TSPAN14: variants seen among roughly 807,000 people sequenced by gnomAD.
TSPAN14 encodes the protein tetraspanin-14.
In TSPAN14, 16 loss-of-function variants were observed where a neutral mutation model predicts 36.6. That is an observed-to-expected ratio of 0.44 (90% CI 0.30 to 0.66). The LOEUF is 0.66. Ranked by LOEUF, TSPAN14 falls within the 30% of genes least tolerant of loss-of-function variation. The pLI is 0.12. For synonymous variants in TSPAN14, 139 were observed against 143.8 expected (o/e 0.97, Z 0.24); for missense variants, 231 against 355.1 (o/e 0.65, Z 2.81).
intron 1 of TSPAN14, among the ~76,000 whole-genome samples, chr10:80,471,124 G>C (rs538503370): frequency 6.6e-6 from 1 of 151,854 alleles, no homozygotes; most frequent in Non-Finnish European, 1.5e-5. Flanking sequence ...CTTAGTGAAG[G>C]GAGTCATGTT....
Position 80,509,760 on chromosome 10 carries a change from T to C in TSPAN14, c.450+289T>C. 2.5e-6 allele frequency: 1 copy of C among 402,060 alleles called. No individual in the cohort carries two copies. Among genetic ancestry groups the C allele is most frequent in the East Asian group, 5.2e-5 (1 of 19,348 alleles). 24.9% of individuals were successfully genotyped at this position (402,060 alleles called of 1,614,324 possible). A position where few individuals can be genotyped will look rare whatever the true frequency, so the allele number is the denominator to read the frequency against. ...GGCCCTCCTCTTTCGGCCCCAGATC[T>C]TTCCAATCCTGCCCAATAGCCATAC... is the stretch of plus-strand genomic sequence containing the variant. On this transcript the variant is annotated intron_variant, in intron 5 of 8. Coordinates refer to ENST00000429989, the Ensembl canonical transcript of TSPAN14. This position sits in a 1 kb window ranked among gnomAD's most constrained non-coding sequence, Gnocchi z 4.7.
chr10:80,475,481 A>G (rs529716661), intron 1 of TSPAN14, among the ~76,000 whole-genome samples: 4 of 152,274 alleles, frequency 2.6e-5, no homozygotes, highest in South Asian at 2.1e-4. Flanking sequence ...TAGGAGGACC[A>G]TGTGAAGCTG....
chr10:80,519,202 A>G (rs534365447), exon 9 of TSPAN14: 2 of 152,906 alleles, frequency 1.3e-5, no homozygotes, highest in East Asian at 3.9e-4. Flanking sequence ...CCCCGTGCCT[A>G]GCCACAACCC....
At chr10:80,489,968 A>G (rs1034594193) in intron 2 of TSPAN14, among the ~76,000 whole-genome samples, 1 of 152,212 alleles carries the variant, frequency 6.6e-6, no homozygotes. Flanking sequence ...TGCAAAGGAC[A>G]AACAGAAGGC....
intron 2 of TSPAN14, among the ~76,000 whole-genome samples, chr10:80,489,671 G>A (rs1416658985): frequency 6.6e-6 from 1 of 152,256 alleles, no homozygotes; most frequent in Non-Finnish European, 1.5e-5. Context: ...CTATGGGCCA[G>A]GCCCTGTTTT....
chr10:80,466,116 A>G (rs1846231596), intron 1 of TSPAN14, among the ~76,000 whole-genome samples: 1 of 152,144 alleles, frequency 6.6e-6, no homozygotes, highest in Non-Finnish European at 1.5e-5. Context: ...AACTCCCACT[A>G]GTTTTCATGT....
intron 1 of TSPAN14, among the ~76,000 whole-genome samples, chr10:80,474,065 C>T (rs1846715084): frequency 6.6e-6 from 1 of 152,062 alleles, no homozygotes; most frequent in Admixed American, 6.5e-5. Context: ...CTAGTGGGCT[C>T]TAGAGACCCC....
intron 1 of TSPAN14, among the ~76,000 whole-genome samples, chr10:80,460,550 A>T (rs1190303977): frequency 6.6e-6 from 1 of 152,178 alleles, no homozygotes; most frequent in Non-Finnish European, 1.5e-5. Context: ...CCTGTCCCTC[A>T]GGAGACAGGT....
chr10:80,457,435 C>T lies in TSPAN14; in HGVS notation c.-18+3064C>T, dbSNP rs184875314. ...AACTCCTGACCTCAAGTGATCCGCCCGCCTCGGCCTCCCAAAGTGCTGGGA... is the reference window on the plus strand; with the variant it reads ...AACTCCTGACCTCAAGTGATCCGCCTGCCTCGGCCTCCCAAAGTGCTGGGA... On this transcript the variant is annotated intron_variant, in intron 1 of 8. Transcript: ENST00000429989. Among the ~76,000 whole-genome samples the T allele has an allele frequency of 3.3e-3, 500 of 152,198 alleles. 4 individuals carry two copies. The highest frequency in any genetic ancestry group is 9.2e-3 in the African/African-American group (381 of 41,532).
At chr10:80,508,835 G>A (rs999444453) in intron 4 of TSPAN14, among the ~76,000 whole-genome samples, 3 of 152,180 alleles carry the variant, frequency 2.0e-5, no homozygotes, top group African/African-American at 4.8e-5. Flanking sequence ...ATGGTTTTGT[G>A]TGTGTAGTGG....
intron 1 of TSPAN14, among the ~76,000 whole-genome samples, chr10:80,465,144 G>A (rs1335849128): frequency 2.0e-5 from 3 of 152,060 alleles, no homozygotes; most frequent in South Asian, 4.1e-4. Flanking sequence ...CAGGCTTGTC[G>A]GCCACCTGCC....
chr10:80,483,818 G>A (rs1222265096), intron 1 of TSPAN14, among the ~76,000 whole-genome samples: 2 of 145,312 alleles, frequency 1.4e-5, no homozygotes, highest in Non-Finnish European at 1.5e-5. Context: ...GCTGAGGCAG[G>A]ATAATCACTT....
intron 1 of TSPAN14, among the ~76,000 whole-genome samples, chr10:80,476,365 G>C (rs996270061): frequency 6.7e-6 from 1 of 150,058 alleles, no homozygotes; most frequent in Non-Finnish European, 1.5e-5. Context: ...GCAAGACCCT[G>C]TCTCAAAAAC....
rs116281040 is a variant in TSPAN14, at chr10:80,488,414, T to C, written c.-17-803T>C. Among the ~76,000 whole-genome samples, 1,010 of 152,306 alleles carry C rather than the reference T, an allele frequency of 6.6e-3. 12 individuals carry two copies. Among genetic ancestry groups the C allele is most frequent in the African/African-American group, 0.021 (863 of 41,562 alleles). ...AGGGTTAGACACAGATAAAAAACAGTGGCCCCACCCTTCACTCTGTAGTTC... is the reference window on the plus strand; with the variant it reads ...AGGGTTAGACACAGATAAAAAACAGCGGCCCCACCCTTCACTCTGTAGTTC... On this transcript the variant is annotated intron_variant, in intron 1 of 8. Transcript: ENST00000429989.
intron 1 of TSPAN14, among the ~76,000 whole-genome samples, chr10:80,475,656 T>G (rs1185799181): frequency 6.6e-6 from 1 of 152,126 alleles, no homozygotes; most frequent in Non-Finnish European, 1.5e-5. Context: ...GGCGCGATCT[T>G]GGCTCACTGC....
intron 5 of TSPAN14, 52 bp from the exon 6 acceptor site, chr10:80,512,092 A>T: frequency 6.2e-7 from 1 of 1,612,208 alleles, no homozygotes; most frequent in Non-Finnish European, 8.5e-7. Flanking sequence ...TATGCTGGGC[A>T]GCCATGGCCC....
At chr10:80,513,039 C>T (rs150552736) in intron 6 of TSPAN14, among the ~76,000 whole-genome samples, 756 of 152,272 alleles carry the variant, frequency 5.0e-3, no homozygotes, top group Non-Finnish European at 7.6e-3. Flanking sequence ...GCTGGGACCA[C>T]AGGCTTGAGC....
chr10:80,465,002 C>G (rs955881758), intron 1 of TSPAN14, among the ~76,000 whole-genome samples: 3 of 152,172 alleles, frequency 2.0e-5, no homozygotes, highest in Non-Finnish European at 2.9e-5. Flanking sequence ...CAAGGCCCAT[C>G]ATGTGTTCTC....
At chr10:80,519,374 G>GC (rs1841125919) in exon 9 of TSPAN14, 1 of 152,696 alleles carries the variant, frequency 6.5e-6, no homozygotes, top group African/African-American at 2.4e-5. Context: ...GATAGCTGGG[G>GC]CATTTGTCTA....
Sources: gnomAD v4.1 joint callset for allele counts (sites outside exome capture counted in the v4.1 genomes callset) on GRCh38, gnomAD v4.1.1 for gene constraint, Gnocchi (gnomAD v3.1) non-coding constraint, MANE v1.5 for transcripts, NCBI Gene and HGNC (gene_info 2026-07-23, HGNC 2026-07-21) for gene names.